NUGGC: variants seen among roughly 807,000 people sequenced by gnomAD.
NUGGC encodes the protein nuclear GTPase SLIP-GC.
Under a neutral mutation model 92.6 loss-of-function variants are expected in NUGGC, and 58 were observed. The observed-to-expected ratio is 0.63, with a 90% CI of 0.51 to 0.78. The LOEUF (loss-of-function observed/expected upper bound fraction) is 0.78, where lower values mean the gene tolerates loss of function less well. Ranked by LOEUF, NUGGC falls within the 30% of genes least tolerant of loss-of-function variation. The probability of loss-of-function intolerance (pLI) is 0.00; values close to 1 mark genes in which losing one functional copy is unlikely to be tolerated. For synonymous variants in NUGGC, 376 were observed against 366.4 expected, an observed-to-expected ratio of 1.03 and a Z score of -0.30; for missense variants, 925 against 964.6, an observed-to-expected ratio of 0.96 and a Z score of 0.54.
intron 14 of NUGGC, among the ~76,000 whole-genome samples, chr8:28,032,804 C>T (rs2130088290): frequency 6.6e-6 from 1 of 151,602 alleles, no homozygotes; most frequent in Admixed American, 6.6e-5. Flanking sequence ...CCCAAACCCA[C>T]ATCATGTATG....
chr8:28,060,497 C>A lies in NUGGC; in HGVS notation c.1026G>T (p.Gln342His). ...DLLNESIKAC[Q>H]RGFCRDVALV... The stretch of plus-strand genomic sequence containing the variant: ...GGGCCACGTCCCTACAGAAGCCCCG[C>A]TGGCAGGCTTTGATGCTCTCATTCA... Residue 342 changes from glutamine to histidine, a missense_variant, in exon 8 of 19, where the codon CAG (glutamine) becomes CAT (histidine). Physicochemically the swap from Gln to His is conservative, Grantham distance 24. Coordinates refer to ENST00000413272, the MANE Select transcript of NUGGC (RefSeq NM_001010906.2). 1 of 1,613,940 alleles carries A rather than the reference C, an allele frequency of 6.2e-7. No homozygotes were observed.
intron 13 of NUGGC, among the ~76,000 whole-genome samples, chr8:28,034,359 A>C (rs17407655): frequency 0.044 from 6,743 of 152,326 alleles, 192 homozygotes; most frequent in Non-Finnish European, 0.066. Flanking sequence ...GAGAGTAAAA[A>C]TGTGTTTGCT....
At chr8:28,025,958 A>G (rs922418554) in intron 18 of NUGGC, among the ~76,000 whole-genome samples, 2 of 152,194 alleles carry the variant, frequency 1.3e-5, no homozygotes, top group Non-Finnish European at 2.9e-5. Context: ...TATGTAGCCC[A>G]TGGAGATTTT....
chr8:28,063,481 A>G (rs1810359132), intron 7 of NUGGC, among the ~76,000 whole-genome samples: 1 of 152,194 alleles, frequency 6.6e-6, no homozygotes, highest in Non-Finnish European at 1.5e-5. Flanking sequence ...AAGGCTCACA[A>G]GGCCAGGCCT....
At chr8:28,033,945 A>T (rs921997389) in intron 13 of NUGGC, among the ~76,000 whole-genome samples, 1 of 152,138 alleles carries the variant, frequency 6.6e-6, no homozygotes, top group Non-Finnish European at 1.5e-5. Context: ...TTCTGAAGTG[A>T]TTCTGTGTTA....
At chr8:28,075,480 T>G (rs891546695) in intron 1 of NUGGC, among the ~76,000 whole-genome samples, 1 of 152,184 alleles carries the variant, frequency 6.6e-6, no homozygotes, top group African/African-American at 2.4e-5. Flanking sequence ...TGGAGCTGCT[T>G]CATCTCCACC....
intron 12 of NUGGC, among the ~76,000 whole-genome samples, chr8:28,041,422 TG>T (rs1355813368): frequency 6.6e-6 from 1 of 152,262 alleles, no homozygotes; most frequent in African/African-American, 2.4e-5. Context: ...AATACCTGCC[TG>T]GTGCAACTTA....
At chr8:28,041,270 TCCTGAAGCTTTG>T (rs1228003668) in intron 12 of NUGGC, 55 bp from the exon 13 acceptor site, 1 of 1,529,044 alleles carries the variant, frequency 6.5e-7, no homozygotes, top group Non-Finnish European at 8.9e-7. Flanking sequence ...GGGCACCTTC[TCCTGAAGCTTTG>T]CTTTCTTTAA....
chr8:28,070,092 A>G (rs1045037930), intron 3 of NUGGC, 160 bp downstream of exon 3: 36 of 985,062 alleles, frequency 3.7e-5, no homozygotes, highest in Admixed American at 6.1e-5. Flanking sequence ...CAAATTGCCT[A>G]ACTGCATACC....
chr8:28,034,349 G>A (rs952472855), intron 13 of NUGGC, among the ~76,000 whole-genome samples: 1 of 152,194 alleles, frequency 6.6e-6, no homozygotes, highest in African/African-American at 2.4e-5. Flanking sequence ...CATTAGTAAA[G>A]AGAGTAAAAA....
intron 14 of NUGGC, among the ~76,000 whole-genome samples, chr8:28,033,267 G>A (rs1406316397): frequency 1.3e-5 from 2 of 152,198 alleles, no homozygotes; most frequent in African/African-American, 4.8e-5. Flanking sequence ...CTAAGAAAAT[G>A]TATCCCCTGC....
chr8:28,036,035 A>C (rs1161688337), intron 13 of NUGGC, among the ~76,000 whole-genome samples: 1 of 150,468 alleles, frequency 6.6e-6, no homozygotes, highest in East Asian at 2.0e-4. Flanking sequence ...GGGGTATGCC[A>C]CCATGCCCAA....
intron 8 of NUGGC, among the ~76,000 whole-genome samples, chr8:28,059,010 T>C (rs528168566): frequency 6.6e-6 from 1 of 152,224 alleles, no homozygotes; most frequent in South Asian, 2.1e-4. Context: ...AGCCTAATTG[T>C]GTTAATTTTA....
At chr8:28,072,403 G>A (rs534516168) in intron 2 of NUGGC, among the ~76,000 whole-genome samples, 1 of 152,338 alleles carries the variant, frequency 6.6e-6, no homozygotes, top group South Asian at 2.1e-4. Flanking sequence ...GCTCGAAAAA[G>A]CATCTCAGAA....
chr8:28,070,083 A>C (rs758461935), intron 3 of NUGGC, 169 bp downstream of exon 3: 530 of 984,752 alleles, frequency 5.4e-4, no homozygotes, highest in Non-Finnish European at 6.1e-4. Context: ...GCCTGGAGAC[A>C]AATTGCCTAA....
At chr8:28,050,667 C>T (rs1563221813) in intron 10 of NUGGC, among the ~76,000 whole-genome samples, 2 of 151,966 alleles carry the variant, frequency 1.3e-5, no homozygotes, top group Non-Finnish European at 2.9e-5. Context: ...AAAAATTAGC[C>T]AGTTGTGGTG....
chr8:28,030,472 G>C lies in NUGGC; in HGVS notation c.1909-54C>G, dbSNP rs1002535487. On this transcript the variant is annotated intron_variant, in intron 15 of 18. Transcript: ENST00000413272. ...GGTGACAATTCCTTCAATGGAAGCA[G>C]GTCAGGTGTCCCAGTGCATGGCCAC... 4 of 939,878 alleles carry C rather than the reference G, an allele frequency of 4.3e-6. No individual in the cohort carries two copies. The African/African-American group carries it at 6.5e-5, about 15-fold the overall frequency. 58.2% of individuals were successfully genotyped at this position (939,878 alleles called of 1,614,324 possible).
At chr8:28,053,324 A>T (rs576760969) in intron 10 of NUGGC, among the ~76,000 whole-genome samples, 1 of 152,066 alleles carries the variant, frequency 6.6e-6, no homozygotes, top group African/African-American at 2.4e-5. Flanking sequence ...GTGGTGGTGC[A>T]TACCGGTATA....
chr8:28,065,503 T>A (rs1206516997), intron 6 of NUGGC, among the ~76,000 whole-genome samples: 3 of 152,276 alleles, frequency 2.0e-5, no homozygotes, highest in Middle Eastern at 3.4e-3. Context: ...ATCTTCTGAT[T>A]ACAAAAAATA....
Sources: allele counts gnomAD v4.1 joint callset (sites outside exome capture counted in the v4.1 genomes callset), GRCh38; gene constraint gnomAD v4.1.1; transcripts MANE v1.5; gene names NCBI Gene and HGNC (gene_info 2026-07-23, HGNC 2026-07-21).